Variants in CMSS1 observed in about 807,000 individuals in gnomAD.
CMSS1 encodes the protein cms1 ribosomal small subunit homolog.
CMSS1 carries 33 observed loss-of-function variants against 43.5 expected under a neutral mutation model. That is an observed-to-expected ratio of 0.76 (90% CI 0.57 to 1.01). The LOEUF is 1.01. CMSS1 is among the 50% of genes least tolerant of loss of function. CMSS1 has a pLI of 0.00. For synonymous variants in CMSS1, 115 were observed against 117.2 expected (o/e 0.98, Z 0.12); for missense variants, 313 against 326.4 (o/e 0.96, Z 0.32).
At chr3:99,979,873 T>C (rs912779662) in intron 1 of CMSS1, among the ~76,000 whole-genome samples, 3 of 152,144 alleles carry the variant, frequency 2.0e-5, no homozygotes, top group Non-Finnish European at 2.9e-5. Context: ...GAATTTTGTG[T>C]ATTGTCTTAA....
intron 1 of CMSS1, among the ~76,000 whole-genome samples, chr3:99,899,774 C>T (rs907382453): frequency 3.9e-5 from 6 of 152,144 alleles, no homozygotes; most frequent in African/African-American, 1.4e-4. Flanking sequence ...ACCAGACTCC[C>T]TGGGTTTGCA....
chr3:99,921,093 T>C (rs1248303929), intron 1 of CMSS1, among the ~76,000 whole-genome samples: 1 of 152,170 alleles, frequency 6.6e-6, no homozygotes, highest in Non-Finnish European at 1.5e-5. Context: ...AGGAAGGAAG[T>C]AAACATTGTT....
At chr3:100,060,711 G>A (rs1008025516) in intron 1 of CMSS1, among the ~76,000 whole-genome samples, 3 of 151,766 alleles carry the variant, frequency 2.0e-5, no homozygotes, top group Non-Finnish European at 4.4e-5. Flanking sequence ...AAAAACACAA[G>A]ATTTAGCCAG....
intron 1 of CMSS1, among the ~76,000 whole-genome samples, chr3:99,856,054 T>C (rs2107541649): frequency 6.6e-6 from 1 of 152,318 alleles, no homozygotes; most frequent in African/African-American, 2.4e-5. Context: ...AAGGCACTGC[T>C]CCATCCATTG....
chr3:99,934,523 A>G (rs1485620226), intron 1 of CMSS1, among the ~76,000 whole-genome samples: 2 of 152,194 alleles, frequency 1.3e-5, no homozygotes, highest in East Asian at 1.9e-4. Flanking sequence ...ATCAACTTGT[A>G]TCCTGCTGCT....
At chr3:100,024,786 C>T (rs1268513224) in intron 1 of CMSS1, among the ~76,000 whole-genome samples, 5 of 152,128 alleles carry the variant, frequency 3.3e-5, no homozygotes, top group Non-Finnish European at 7.4e-5. Flanking sequence ...TGAATCTGTG[C>T]TCTCCACACT....
At chr3:99,981,907 C>T (rs1355311306) in intron 1 of CMSS1, among the ~76,000 whole-genome samples, 3 of 152,164 alleles carry the variant, frequency 2.0e-5, no homozygotes, top group Non-Finnish European at 4.4e-5. Context: ...GGGAGGATCG[C>T]TTGAGGCCAG....
chr3:99,946,599 A>G (rs1708015165), intron 1 of CMSS1, among the ~76,000 whole-genome samples: 1 of 151,990 alleles, frequency 6.6e-6, no homozygotes. Context: ...AAATGATGCC[A>G]TTTTTTTTAG....
chr3:100,077,290 T>A (rs1232716305), intron 1 of CMSS1, among the ~76,000 whole-genome samples: 1 of 152,238 alleles, frequency 6.6e-6, no homozygotes, highest in African/African-American at 2.4e-5. Flanking sequence ...TGATGCATGG[T>A]GTTCTTAAGA....
chr3:100,050,256 C>T (rs1479583761), intron 1 of CMSS1, among the ~76,000 whole-genome samples: 3 of 152,156 alleles, frequency 2.0e-5, no homozygotes, highest in Non-Finnish European at 2.9e-5. Flanking sequence ...GTATTAACCT[C>T]CCTTATAACT....
At chr3:100,155,742 T>G (rs2066966031) in intron 2 of CMSS1, among the ~76,000 whole-genome samples, 1 of 152,228 alleles carries the variant, frequency 6.6e-6, no homozygotes, top group African/African-American at 2.4e-5. Context: ...TATTCTACTC[T>G]TACACTTGAT....
intron 1 of CMSS1, among the ~76,000 whole-genome samples, chr3:99,911,307 GTTA>G (rs1706779911): frequency 6.7e-6 from 1 of 148,610 alleles, no homozygotes; most frequent in South Asian, 2.1e-4. Flanking sequence ...TGTTGTTTTT[GTTA>G]TTATATATTA....
At chr3:100,098,609 G>GA in intron 1 of CMSS1, among the ~76,000 whole-genome samples, 1 of 152,168 alleles carries the variant, frequency 6.6e-6, no homozygotes, top group Non-Finnish European at 1.5e-5. Flanking sequence ...ATGCAAGGAA[G>GA]TTATTTTTGT....
At chr3:99,834,399 G>A (rs1183231853) in intron 1 of CMSS1, among the ~76,000 whole-genome samples, 4 of 152,174 alleles carry the variant, frequency 2.6e-5, no homozygotes, top group East Asian at 1.9e-4. Flanking sequence ...GTTTGTGGTT[G>A]TACCTAGTCA....
intron 1 of CMSS1, among the ~76,000 whole-genome samples, chr3:99,934,665 A>C (rs1707601206): frequency 6.6e-6 from 1 of 152,212 alleles, no homozygotes; most frequent in South Asian, 2.1e-4. Context: ...CTTTTAGCTT[A>C]AGGCAGCCCT....
intron 1 of CMSS1, among the ~76,000 whole-genome samples, chr3:99,987,577 G>A (rs902540109): frequency 6.0e-5 from 9 of 149,944 alleles, no homozygotes; most frequent in Non-Finnish European, 1.0e-4. Context: ...AAGTGCAAGA[G>A]ATTATTTAAA....
chr3:100,043,706 T>C (rs2065240344), intron 1 of CMSS1, among the ~76,000 whole-genome samples: 1 of 152,210 alleles, frequency 6.6e-6, no homozygotes, highest in South Asian at 2.1e-4. Flanking sequence ...TTGTGTATAT[T>C]TAGGGGATAC....
At position 100,166,370 on chromosome 3, in the gene CMSS1, A is replaced by T. The variant is rs773026653; in HGVS notation, c.391A>T (p.Ser131Cys). ...CFLKANDLTH[S>C]LSSYLKEICP... is the part of the protein sequence containing the mutation. ...CCTCAAGGCCAATGATTTGACTCAC[A>T]GTCTTTCCTCATACCTAAAAGAAAG... The change falls in exon 5 of 10, where the codon AGT (serine) becomes TGT (cysteine). Residue 131 changes from serine to cysteine, a missense_variant. Ser to Cys is a moderately radical substitution (Grantham distance 112). Transcript: ENST00000421999. The T allele has an allele frequency of 5.0e-6, 8 of 1,595,734 alleles. No individual in the cohort carries two copies. The highest frequency in any genetic ancestry group is 1.7e-5 in the Admixed American group (1 of 59,938).
intron 1 of CMSS1, among the ~76,000 whole-genome samples, chr3:100,117,911 G>T (rs2066590052): frequency 7.2e-6 from 1 of 139,700 alleles, no homozygotes; most frequent in Non-Finnish European, 1.5e-5. Context: ...CAGGCTTAAA[G>T]ACGATTGAAA....
Sources: gnomAD v4.1 joint callset for allele counts (sites outside exome capture counted in the v4.1 genomes callset) on GRCh38, gnomAD v4.1.1 for gene constraint, MANE v1.5 for transcripts, NCBI Gene and HGNC (gene_info 2026-07-23, HGNC 2026-07-21) for gene names.